Variants in MDGA2 observed in about 807,000 individuals in gnomAD.
The protein encoded by MDGA2 is MAM domain containing glycosylphosphatidylinositol anchor 2, also known as MAM domain-containing glycosylphosphatidylinositol anchor protein 2.
In MDGA2, 40 loss-of-function variants were observed where a neutral mutation model predicts 117.8. That is an observed-to-expected ratio of 0.34 (90% CI 0.26 to 0.44). The LOEUF (loss-of-function observed/expected upper bound fraction) is 0.44. MDGA2 is among the 20% of genes least tolerant of loss of function. The pLI is 1.00. For missense variants in MDGA2, 1,123 were observed against 1,250.6 expected (o/e 0.90, Z 1.54); for synonymous variants, 452 against 439.0 (o/e 1.03, Z -0.37).
intron 4 of MDGA2, among the ~76,000 whole-genome samples, chr14:47,137,454 C>A (rs1882512153): frequency 6.6e-6 from 1 of 152,040 alleles, no homozygotes; most frequent in African/African-American, 2.4e-5. Context: ...GCTGTGAGTT[C>A]TAACTCTGTT....
At chr14:47,152,195 T>C (rs1462004380) in intron 3 of MDGA2, among the ~76,000 whole-genome samples, 1 of 152,156 alleles carries the variant, frequency 6.6e-6, no homozygotes, top group African/African-American at 2.4e-5. Flanking sequence ...AAATTTGACA[T>C]AGGTTTTGAT....
intron 1 of MDGA2, among the ~76,000 whole-genome samples, chr14:47,578,364 T>C (rs1284889856): frequency 6.6e-6 from 1 of 152,072 alleles, no homozygotes; most frequent in Non-Finnish European, 1.5e-5. Context: ...CACATATACC[T>C]ATGTAACAAA....
At chr14:47,179,559 G>A (rs901544710) in intron 3 of MDGA2, among the ~76,000 whole-genome samples, 16 of 151,854 alleles carry the variant, frequency 1.1e-4, no homozygotes, top group Non-Finnish European at 2.1e-4. Context: ...CATAATTAAA[G>A]GTTTGGGGTT....
chr14:47,391,225 T>C (rs1244950587), intron 1 of MDGA2, among the ~76,000 whole-genome samples: 1 of 152,220 alleles, frequency 6.6e-6, no homozygotes. Context: ...GATTTCATGC[T>C]GCCCTAGCAA....
At chr14:47,514,345 G>A (rs1031377096) in intron 1 of MDGA2, among the ~76,000 whole-genome samples, 2 of 151,942 alleles carry the variant, frequency 1.3e-5, no homozygotes, top group African/African-American at 4.8e-5. Flanking sequence ...GCTCCTAGTT[G>A]GACTTAAGAA....
At chr14:46,933,621 T>C (rs1022480750) in intron 9 of MDGA2, among the ~76,000 whole-genome samples, 3 of 151,344 alleles carry the variant, frequency 2.0e-5, no homozygotes, top group Non-Finnish European at 4.4e-5. Context: ...AATTTGATTA[T>C]TGTTAACATA....
chr14:47,282,717 A>AAAAAAAC (rs1566718704), intron 2 of MDGA2, among the ~76,000 whole-genome samples: 2 of 148,162 alleles, frequency 1.3e-5, no homozygotes, highest in Non-Finnish European at 1.5e-5. Flanking sequence ...ACAAAAAACA[A>AAAAAAAC]AAAACAAAAA....
chr14:47,540,538 G>GTATA (rs1462789428), intron 1 of MDGA2, among the ~76,000 whole-genome samples: 36 of 73,928 alleles, frequency 4.9e-4, no homozygotes, highest in African/African-American at 1.3e-3. Context: ...GTGTGTGTGT[G>GTATA]TGTATATATA....
chr14:47,287,972 G>A (rs1438113069), intron 2 of MDGA2, among the ~76,000 whole-genome samples: 4 of 152,140 alleles, frequency 2.6e-5, no homozygotes, highest in African/African-American at 4.8e-5. Flanking sequence ...GCTGGGAAGA[G>A]GCAAGGAAGG....
chr14:47,009,175 A>G (rs1281496574), intron 8 of MDGA2, among the ~76,000 whole-genome samples: 1 of 152,048 alleles, frequency 6.6e-6, no homozygotes, highest in Non-Finnish European at 1.5e-5. Flanking sequence ...CATTTTCCAC[A>G]TAAATCAAGT....
intron 1 of MDGA2, among the ~76,000 whole-genome samples, chr14:47,584,500 T>C (rs1042076668): frequency 2.0e-5 from 3 of 151,798 alleles, no homozygotes; most frequent in Non-Finnish European, 4.4e-5. Context: ...GTCGTTGTAG[T>C]ACAGATAACC....
chr14:47,335,399 G>A (rs908795395), intron 1 of MDGA2, among the ~76,000 whole-genome samples: 5 of 151,362 alleles, frequency 3.3e-5, no homozygotes, highest in Admixed American at 2.0e-4. Flanking sequence ...TGATGTAGAC[G>A]AGGGAATGAG....
intron 1 of MDGA2, among the ~76,000 whole-genome samples, chr14:47,670,477 T>C (rs1426090835): frequency 6.6e-6 from 1 of 152,192 alleles, no homozygotes; most frequent in African/African-American, 2.4e-5. Context: ...GATACAATTA[T>C]TGATATGATG....
intron 1 of MDGA2, among the ~76,000 whole-genome samples, chr14:47,499,485 A>G (rs1894354688): frequency 1.3e-5 from 2 of 152,170 alleles, no homozygotes; most frequent in South Asian, 4.1e-4. Flanking sequence ...ATACATAAAC[A>G]CTGTTATTCC....
chr14:47,472,192 T>C (rs1305127354), intron 1 of MDGA2, among the ~76,000 whole-genome samples: 1 of 152,208 alleles, frequency 6.6e-6, no homozygotes, highest in East Asian at 1.9e-4. Context: ...ATATTTTAGC[T>C]ATAAAATAAA....
intron 5 of MDGA2, among the ~76,000 whole-genome samples, chr14:47,103,944 A>G (rs554046570): frequency 2.0e-5 from 3 of 152,318 alleles, no homozygotes; most frequent in African/African-American, 7.2e-5. Flanking sequence ...CGAACAAAAG[A>G]GTCAAAGAAT....
chr14:47,512,481 C>G (rs1448871583), intron 1 of MDGA2, among the ~76,000 whole-genome samples: 1 of 152,046 alleles, frequency 6.6e-6, no homozygotes, highest in African/African-American at 2.4e-5. Flanking sequence ...AATCAGAAAT[C>G]AAATTCTCCA....
intron 1 of MDGA2, among the ~76,000 whole-genome samples, chr14:47,645,503 G>A (rs1897511547): frequency 6.6e-6 from 1 of 151,512 alleles, no homozygotes; most frequent in Non-Finnish European, 1.5e-5. Flanking sequence ...CAAAGTGCTG[G>A]GATTACAGGC....
intron 1 of MDGA2, among the ~76,000 whole-genome samples, chr14:47,495,674 G>A (rs533712792): frequency 6.6e-6 from 1 of 152,228 alleles, no homozygotes; most frequent in South Asian, 2.1e-4. Flanking sequence ...GTTATTTGTG[G>A]TGATTAAACG....
Sources: allele counts gnomAD v4.1 joint callset (sites outside exome capture counted in the v4.1 genomes callset), GRCh38; gene constraint gnomAD v4.1.1; transcripts MANE v1.5; gene names NCBI Gene and HGNC (gene_info 2026-07-23, HGNC 2026-07-21).